ANKRD33B: variants seen among roughly 807,000 people sequenced by gnomAD.
The protein encoded by ANKRD33B is ankyrin repeat domain-containing protein 33B.
A neutral mutation model predicts 21.5 loss-of-function variants in ANKRD33B; 6 were observed. The observed-to-expected ratio is 0.28, with a 90% CI of 0.15 to 0.55. The LOEUF (loss-of-function observed/expected upper bound fraction) is 0.55. ANKRD33B is among the 20% of genes least tolerant of loss of function. The pLI is 0.94. For synonymous variants in ANKRD33B, 347 were observed against 342.4 expected (o/e 1.01, Z -0.15); for missense variants, 698 against 747.2 (o/e 0.93, Z 0.77).
rs1479232484 is a variant in ANKRD33B at position 10,650,052 on chromosome 5, A to G, written c.1424A>G (p.Lys475Arg). The change falls in exon 4 of 4, where the codon AAG becomes AGG. Residue 475 changes from lysine (K) to arginine (R), a missense_variant. Physicochemically the swap from Lys to Arg is conservative, Grantham distance 26 (BLOSUM62 2). Transcript: ENST00000296657. ...AAGAGGAAGGCAGAGGAGGCCGAAA[A>G]GAAGCGCCAGGCCGAGGCGCAGAAG... ...EEKRKAEEAEKKRQAEAQKER... is the reference protein window; with the variant it reads ...EEKRKAEEAERKRQAEAQKER... 4 of 1,530,784 alleles carry G rather than the reference A, an allele frequency of 2.6e-6. No homozygotes were observed. In the East Asian group the frequency reaches 7.4e-5, roughly 28 times the overall value. The allele number at this position is 1,530,784 out of a possible 1,614,324, so 94.8% of individuals were successfully genotyped here. A position where few individuals can be genotyped will look rare whatever the true frequency, so the allele number is the denominator to read the frequency against.
intron 2 of ANKRD33B, among the ~76,000 whole-genome samples, chr5:10,629,329 G>A (rs1234173790): frequency 6.6e-6 from 1 of 152,174 alleles, no homozygotes; most frequent in Non-Finnish European, 1.5e-5. Context: ...TTGCCATGCT[G>A]CCTATGCTGG....
chr5:10,656,662 T>C lies in ANKRD33B; in HGVS notation c.*6549T>C, dbSNP rs554681966. On this transcript the variant is annotated 3_prime_UTR_variant, in exon 4 of 4. Coordinates refer to ENST00000296657, the MANE Select transcript of ANKRD33B (RefSeq NM_001164440.2). ...CTGGGGTCATCACAGCCCAGGTCTT[T>C]ATTGAAAGGCGGCTCATATAGAACC... 1.1e-4 allele frequency: 17 copies of C among 152,472 alleles called. 1 individual carries two copies. The East Asian group carries it at 3.2e-3, about 29-fold the overall frequency. The allele number at this position is 152,472 out of a possible 1,614,324, so 9.4% of individuals were successfully genotyped here.
intron 1 of ANKRD33B, among the ~76,000 whole-genome samples, chr5:10,592,487 C>T (rs950705679): frequency 2.1e-5 from 3 of 143,256 alleles, no homozygotes; most frequent in African/African-American, 7.8e-5. Context: ...ATTAGGTGGA[C>T]GTGGTGGCGG....
rs1172387733 is a variant in ANKRD33B at position 10,655,899 on chromosome 5, A to T, written c.*5786A>T. ...CCGGCACCTGCATGGGACTGCCTGG[A>T]GGGCCACGGTCCAGGGAAGGACAGG... On this transcript the variant is annotated 3_prime_UTR_variant, in exon 4 of 4. Transcript: ENST00000296657. 6.6e-6 allele frequency: 1 copy of T among 152,330 alleles called. No individual in the cohort carries two copies. The highest frequency in any genetic ancestry group is 1.5e-5 in the Non-Finnish European group (1 of 68,058). 9.4% of individuals were successfully genotyped at this position (152,330 alleles called of 1,614,324 possible).
At chr5:10,624,912 A>G (rs1345272161) in intron 2 of ANKRD33B, 1 of 412,818 alleles carries the variant, frequency 2.4e-6, no homozygotes, top group East Asian at 7.2e-5. Context: ...AAGAATGAGC[A>G]GATCAACAGG....
intron 2 of ANKRD33B, among the ~76,000 whole-genome samples, chr5:10,623,929 C>G (rs1011592403): frequency 9.2e-5 from 14 of 152,142 alleles, no homozygotes; most frequent in African/African-American, 2.9e-4. Context: ...GGGAAAATGA[C>G]CCCACATGAG....
chr5:10,594,847 G>C (rs181955420), intron 1 of ANKRD33B, among the ~76,000 whole-genome samples: 1 of 152,152 alleles, frequency 6.6e-6, no homozygotes, highest in Non-Finnish European at 1.5e-5. Context: ...GCCGTTGAGC[G>C]GGTAGGAAAG....
rs1735316816 is a variant in ANKRD33B at position 10,576,150 on chromosome 5, C to CA, written c.366+11321dup. On this transcript the variant is annotated intron_variant, in intron 1 of 3. Coordinates refer to ENST00000296657, the MANE Select transcript of ANKRD33B (RefSeq NM_001164440.2). This position sits in a 1 kb window ranked among gnomAD's most constrained non-coding sequence, Gnocchi z 4.1. ...AGTTCTTGTGGGGCTGTAACTATTT[C>CA]AAAATAAAAAGTTGAATGAGCGTGA... 6.6e-6 allele frequency among the ~76,000 whole-genome samples: 1 copy of CA among 152,244 alleles called. No homozygotes were observed. The highest frequency in any genetic ancestry group is 6.5e-5 in the Admixed American group (1 of 15,296).
chr5:10,650,744 G>C lies in ANKRD33B; in HGVS notation c.*631G>C, dbSNP rs985773167. The C allele has an allele frequency of 1.3e-5, 2 of 152,402 alleles. No individual in the cohort carries two copies. The highest frequency in any genetic ancestry group is 4.8e-5 in the African/African-American group (2 of 41,476). The allele number at this position is 152,402 out of a possible 1,614,324, so 9.4% of individuals were successfully genotyped here. A position where few individuals can be genotyped will look rare whatever the true frequency, so the allele number is the denominator to read the frequency against. On this transcript the variant is annotated 3_prime_UTR_variant, in exon 4 of 4. Coordinates refer to ENST00000296657, the MANE Select transcript of ANKRD33B (RefSeq NM_001164440.2). Reference sequence around the variant, plus strand: ...TTGAGCCACATGATCAAGTGAGACAGAGGATCAGATGTTACTGTATCTTTT... The same window carrying C: ...TTGAGCCACATGATCAAGTGAGACACAGGATCAGATGTTACTGTATCTTTT...
At chr5:10,596,647 C>T (rs930247489) in intron 1 of ANKRD33B, among the ~76,000 whole-genome samples, 2 of 152,168 alleles carry the variant, frequency 1.3e-5, no homozygotes, top group Admixed American at 6.5e-5. Flanking sequence ...GTGAGAACTT[C>T]CCCAACCTAG....
At chr5:10,604,203 T>C (rs1363252091) in intron 1 of ANKRD33B, among the ~76,000 whole-genome samples, 4 of 145,762 alleles carry the variant, frequency 2.7e-5, no homozygotes, top group Non-Finnish European at 6.0e-5. Context: ...TTTTTTTTTT[T>C]TTTTTTCAGA....
intron 2 of ANKRD33B, among the ~76,000 whole-genome samples, chr5:10,621,236 CTG>C (rs1272000642): frequency 6.6e-6 from 1 of 152,162 alleles, no homozygotes; most frequent in South Asian, 2.1e-4. Context: ...CTGTAACCAG[CTG>C]TATCTTCAAG....
At chr5:10,581,944 A>C (rs1579715006) in intron 1 of ANKRD33B, among the ~76,000 whole-genome samples, 1 of 152,172 alleles carries the variant, frequency 6.6e-6, no homozygotes, top group East Asian at 1.9e-4. Flanking sequence ...GTCTCTCTGG[A>C]GAGCCCTGAC....
intron 1 of ANKRD33B, among the ~76,000 whole-genome samples, chr5:10,605,804 C>T (rs532453622): frequency 6.6e-6 from 1 of 152,216 alleles, no homozygotes; most frequent in South Asian, 2.1e-4. Context: ...GCTGGGATTA[C>T]AGGCATGAGC....
intron 1 of ANKRD33B, among the ~76,000 whole-genome samples, chr5:10,580,747 A>G (rs1735428061): frequency 6.6e-6 from 1 of 151,852 alleles, no homozygotes; most frequent in African/African-American, 2.4e-5. Flanking sequence ...GTTGACAGAA[A>G]TCTGCTTTTG....
At chr5:10,647,447 A>G (rs1737213953) in intron 3 of ANKRD33B, among the ~76,000 whole-genome samples, 1 of 152,172 alleles carries the variant, frequency 6.6e-6, no homozygotes, top group Admixed American at 6.5e-5. Context: ...CTGAGATTGG[A>G]CCAAGATTAA....
At chr5:10,573,293 C>T (rs1035557104) in intron 1 of ANKRD33B, among the ~76,000 whole-genome samples, 2 of 151,810 alleles carry the variant, frequency 1.3e-5, no homozygotes, top group Admixed American at 6.6e-5. Context: ...ACGGTGAAAC[C>T]CCGTCTTTAC....
chr5:10,592,889 C>T (rs181048476), intron 1 of ANKRD33B, among the ~76,000 whole-genome samples: 1 of 152,286 alleles, frequency 6.6e-6, no homozygotes, highest in East Asian at 1.9e-4. Flanking sequence ...CTTTTCACCC[C>T]TCTGATCAGA....
intron 1 of ANKRD33B, among the ~76,000 whole-genome samples, chr5:10,601,093 A>G (rs1424795828): frequency 1.3e-5 from 2 of 152,176 alleles, no homozygotes; most frequent in African/African-American, 4.8e-5. Context: ...TACACCTTAA[A>G]TCACAAATGA....
Sources: allele counts gnomAD v4.1 joint callset (sites outside exome capture counted in the v4.1 genomes callset), GRCh38; gene constraint gnomAD v4.1.1; non-coding constraint Gnocchi (gnomAD v3.1); transcripts MANE v1.5; gene names NCBI Gene and HGNC (gene_info 2026-07-23, HGNC 2026-07-21).